The following PUM2 variants were observed in gnomAD, a reference collection of about 807,000 sequenced individuals.
The protein encoded by PUM2 is pumilio RNA binding family member 2, also known as pumilio homolog 2.
In PUM2, 57 loss-of-function variants were observed where a neutral mutation model predicts 124.5. The ratio of observed to expected loss-of-function variants is 0.46; its 90% CI spans 0.37 to 0.57. The LOEUF is 0.57. PUM2 is among the 20% of genes least tolerant of loss of function. The pLI is 0.00. For missense variants in PUM2, 1,065 were observed against 1,290.6 expected (o/e 0.83, Z 2.68); for synonymous variants, 460 against 446.1 (o/e 1.03, Z -0.39).
chr2:20,294,108 T>G (rs917082766), intron 9 of PUM2, among the ~76,000 whole-genome samples: 1 of 152,184 alleles, frequency 6.6e-6, no homozygotes, highest in African/African-American at 2.4e-5. Context: ...TAACATGAAG[T>G]GATGAAAAGA....
intron 7 of PUM2, 106 bp from the exon 8 acceptor site, chr2:20,297,784 A>G (rs1472113227): frequency 1.3e-5 from 16 of 1,190,328 alleles, no homozygotes; most frequent in African/African-American, 3.1e-5. Flanking sequence ...GGGGGTGGGG[A>G]GCAGAGTGTG....
At chr2:20,319,841 G>C (rs1432503205) in intron 2 of PUM2, among the ~76,000 whole-genome samples, 2 of 152,336 alleles carry the variant, frequency 1.3e-5, no homozygotes, top group South Asian at 2.1e-4. Context: ...ACAGGGAATA[G>C]AGAAGAGTTA....
chr2:20,296,682 T>G (rs1042437913), intron 8 of PUM2, among the ~76,000 whole-genome samples: 1 of 145,802 alleles, frequency 6.9e-6, no homozygotes, highest in African/African-American at 2.5e-5. Flanking sequence ...AACAAAATTC[T>G]AAGGCAGATA....
At chr2:20,346,543 C>T (rs1477831468) in intron 1 of PUM2, among the ~76,000 whole-genome samples, 1 of 152,182 alleles carries the variant, frequency 6.6e-6, no homozygotes, top group Non-Finnish European at 1.5e-5. Flanking sequence ...CTTTCTCTCA[C>T]TGATCTTAAG....
At chr2:20,271,849 G>A (rs774071454) in intron 13 of PUM2, among the ~76,000 whole-genome samples, 4 of 152,018 alleles carry the variant, frequency 2.6e-5, no homozygotes, top group Non-Finnish European at 4.4e-5. Context: ...TAATTTATTC[G>A]GATAGGTATT....
At chr2:20,291,050 C>A (rs7558833) in intron 9 of PUM2, among the ~76,000 whole-genome samples, 4 of 151,960 alleles carry the variant, frequency 2.6e-5, no homozygotes, top group Non-Finnish European at 4.4e-5. Context: ...TTTCTAATAT[C>A]TGTGCTCTTT....
At position 20,315,828 on chromosome 2, in the gene PUM2, C is replaced by A. The variant is rs1356101808; in HGVS notation, c.160+2709G>T. Among the ~76,000 whole-genome samples, 5 of 108,944 alleles carry A rather than the reference C, an allele frequency of 4.6e-5. No homozygotes were observed. In the East Asian group the frequency reaches 1.2e-3, roughly 25 times the overall value. 71.5% of individuals were successfully genotyped at this position (108,944 alleles called of 152,430 possible). A position where few individuals can be genotyped will look rare whatever the true frequency, so the allele number is the denominator to read the frequency against. On this transcript the variant is annotated intron_variant, in intron 3 of 20. Transcript: ENST00000361078. The stretch of plus-strand genomic sequence containing the variant: ...ATACAAAAATTAGCCAGTCTTATAA[C>A]CTGGTCTCAAAAAAAAAAAAAAAAA...
intron 15 of PUM2, among the ~76,000 whole-genome samples, 191 bp downstream of exon 15, chr2:20,260,146 G>T (rs906713247): frequency 1.4e-4 from 21 of 152,100 alleles, no homozygotes; most frequent in Non-Finnish European, 5.9e-5. Context: ...TTTTGTTGTT[G>T]ACTTTTTAGG....
chr2:20,336,075 G>A (rs1201871003), intron 1 of PUM2, among the ~76,000 whole-genome samples: 1 of 152,190 alleles, frequency 6.6e-6, no homozygotes, highest in Non-Finnish European at 1.5e-5. Flanking sequence ...ATCTATGCTG[G>A]GTTTTGATGC....
At chr2:20,312,757 C>T (rs1393534424) in intron 3 of PUM2, among the ~76,000 whole-genome samples, 1 of 152,078 alleles carries the variant, frequency 6.6e-6, no homozygotes, top group South Asian at 2.1e-4. Context: ...GTCCGCATAG[C>T]CAAGACAATC....
At chr2:20,331,324 C>T (rs1481560712) in intron 1 of PUM2, among the ~76,000 whole-genome samples, 1 of 152,094 alleles carries the variant, frequency 6.6e-6, no homozygotes, top group African/African-American at 2.4e-5. Flanking sequence ...CTAACTCTCA[C>T]AAAGTAAATG....
At chr2:20,264,373 T>C (rs1249227995) in intron 13 of PUM2, among the ~76,000 whole-genome samples, 11 of 84,624 alleles carry the variant, frequency 1.3e-4, no homozygotes, top group South Asian at 7.6e-4. Flanking sequence ...AAAAAATATA[T>C]ATATATATAT....
At chr2:20,260,993 A>G (rs1215133865) in intron 14 of PUM2, among the ~76,000 whole-genome samples, 1 of 152,180 alleles carries the variant, frequency 6.6e-6, no homozygotes. Context: ...ATAAGATTAT[A>G]ATGGAGATAA....
chr2:20,251,917 A>T (rs1663461608), intron 20 of PUM2, among the ~76,000 whole-genome samples: 2 of 152,254 alleles, frequency 1.3e-5, no homozygotes, highest in Admixed American at 1.3e-4. Flanking sequence ...TTCAATGAAT[A>T]AAACACTACA....
At chr2:20,292,817 G>A (rs1330171510) in intron 9 of PUM2, among the ~76,000 whole-genome samples, 2 of 152,062 alleles carry the variant, frequency 1.3e-5, no homozygotes, top group Non-Finnish European at 2.9e-5. Flanking sequence ...TGTCATCCCA[G>A]CTACTTGGGA....
intron 14 of PUM2, among the ~76,000 whole-genome samples, chr2:20,261,222 C>T (rs1442009998): frequency 6.6e-6 from 1 of 151,678 alleles, no homozygotes; most frequent in Non-Finnish European, 1.5e-5. Flanking sequence ...GAAACCCTGT[C>T]TCTACCAAAA....
At chr2:20,251,784 C>T in intron 20 of PUM2, 68 bp from the exon 21 acceptor site, 2 of 1,545,534 alleles carry the variant, frequency 1.3e-6, no homozygotes, top group South Asian at 2.4e-5. Flanking sequence ...AAAAAGCACC[C>T]CCAATTCTGG....
chr2:20,310,568 G>A (rs1351693378), intron 5 of PUM2, among the ~76,000 whole-genome samples: 1 of 151,974 alleles, frequency 6.6e-6, no homozygotes, highest in East Asian at 1.9e-4. Flanking sequence ...AGCATTAAAT[G>A]TATTTCTTGT....
chr2:20,321,550 G>A (rs1682371166), intron 2 of PUM2, among the ~76,000 whole-genome samples: 1 of 152,064 alleles, frequency 6.6e-6, no homozygotes, highest in Non-Finnish European at 1.5e-5. Context: ...ACTTTTAGGG[G>A]ATCTACTAGC....
Sources: allele counts gnomAD v4.1 joint callset (sites outside exome capture counted in the v4.1 genomes callset), GRCh38; gene constraint gnomAD v4.1.1; transcripts MANE v1.5; gene names NCBI Gene and HGNC (gene_info 2026-07-23, HGNC 2026-07-21).